SPSB1: variants seen among roughly 807,000 people sequenced by gnomAD.
SPSB1 encodes the protein SPRY domain-containing SOCS box protein 1.
In SPSB1, 8 loss-of-function variants were observed where a neutral mutation model predicts 21.2. That is an observed-to-expected ratio of 0.38 (90% confidence interval 0.22 to 0.68). SPSB1 has a LOEUF of 0.68. Ranked by LOEUF, SPSB1 falls within the 30% of genes least tolerant of loss-of-function variation. SPSB1 has a pLI of 0.53. For synonymous variants in SPSB1, 169 were observed against 161.7 expected (o/e 1.05, Z -0.34); for missense variants, 242 against 377.8 (o/e 0.64, Z 2.98).
Position 9,361,156 on chromosome 1 carries a change from C to CCTTTTTTTTTTTTTTTTTTTTTGTT in SPSB1, c.694+4571_694+4572insCTTTTTTTTTTTTTTTTTTTTTGTT, listed in dbSNP as rs1553128958. On this transcript the variant is annotated intron_variant, in intron 2 of 2. Coordinates refer to ENST00000328089, the MANE Select transcript of SPSB1 (RefSeq NM_025106.4). ...CAGGCATGGCTGGATCTGTCATTTT[C>CCTTTTTTTTTTTTTTTTTTTTTGTT]TTTTTTTTTTTTTTTTTTTTTTTTT... Among the ~76,000 whole-genome samples the CCTTTTTTTTTTTTTTTTTTTTTGTT allele has an allele frequency of 6.8e-5, 7 of 102,578 alleles. 2 individuals are homozygous for CCTTTTTTTTTTTTTTTTTTTTTGTT. The highest frequency in any genetic ancestry group is 6.7e-4 in the South Asian group (2 of 2,980). The allele number at this position is 102,578 out of a possible 152,430, so 67.3% of individuals were successfully genotyped here.
rs185538710 is a variant in SPSB1 at position 9,310,047 on chromosome 1, C to T, written c.-150+16976C>T. 1.9e-3 allele frequency among the ~76,000 whole-genome samples: 295 copies of T among 151,368 alleles called. 1 individual carries two copies. Among genetic ancestry groups the T allele is most frequent in the Non-Finnish European group, 1.5e-3 (103 of 67,846 alleles). On this transcript the variant is annotated intron_variant, in intron 1 of 2. Coordinates refer to ENST00000328089, the MANE Select transcript of SPSB1 (RefSeq NM_025106.4). ...TAGTGTTGCCTGTTGCCCTAAAGCTCTCCTCAGGTGGGGGATGGTGAGGGG... is the reference window on the plus strand; with the variant it reads ...TAGTGTTGCCTGTTGCCCTAAAGCTTTCCTCAGGTGGGGGATGGTGAGGGG...
intron 1 of SPSB1, among the ~76,000 whole-genome samples, chr1:9,350,234 C>A (rs773811972): frequency 1.3e-5 from 2 of 152,232 alleles, no homozygotes; most frequent in Non-Finnish European, 2.9e-5. Flanking sequence ...AGACATTGGA[C>A]CCCTGCGTGT....
intron 2 of SPSB1, among the ~76,000 whole-genome samples, chr1:9,357,861 C>T (rs1640399322): frequency 6.6e-6 from 1 of 152,150 alleles, no homozygotes; most frequent in South Asian, 2.1e-4. Context: ...TCTCAGAGTT[C>T]CTTGCCTGCA....
At chr1:9,327,854 C>T (rs928826904) in intron 1 of SPSB1, among the ~76,000 whole-genome samples, 4 of 152,220 alleles carry the variant, frequency 2.6e-5, no homozygotes. Flanking sequence ...GCTTCACTTC[C>T]AGAAGTAGAT....
At chr1:9,311,623 T>G (rs1302863363) in intron 1 of SPSB1, among the ~76,000 whole-genome samples, 5 of 152,130 alleles carry the variant, frequency 3.3e-5, no homozygotes, top group Admixed American at 3.3e-4. Context: ...AGGCTTTTTT[T>G]TATGGGGCAG....
intron 1 of SPSB1, among the ~76,000 whole-genome samples, chr1:9,328,142 A>T (rs1214530234): frequency 6.6e-6 from 1 of 151,844 alleles, no homozygotes; most frequent in Non-Finnish European, 1.5e-5. Flanking sequence ...ACACCTTTAC[A>T]CCCCCTCCTA....
chr1:9,342,801 T>C (rs1640111498), intron 1 of SPSB1, among the ~76,000 whole-genome samples: 1 of 152,202 alleles, frequency 6.6e-6, no homozygotes, highest in African/African-American at 2.4e-5. Context: ...CCCTGCACTT[T>C]TTCCTTTGGA....
chr1:9,338,083 T>A (rs961201354), intron 1 of SPSB1, among the ~76,000 whole-genome samples: 2 of 152,136 alleles, frequency 1.3e-5, no homozygotes, highest in Admixed American at 1.3e-4. Flanking sequence ...CTGGAAGACA[T>A]TGAGTGCTCA....
At chr1:9,310,936 T>C (rs2100470904) in intron 1 of SPSB1, among the ~76,000 whole-genome samples, 1 of 152,278 alleles carries the variant, frequency 6.6e-6, no homozygotes, top group East Asian at 1.9e-4. Flanking sequence ...TACGTACATG[T>C]CAGGGTTCTT....
chr1:9,314,317 C>G (rs758932454), intron 1 of SPSB1, among the ~76,000 whole-genome samples: 3 of 152,248 alleles, frequency 2.0e-5, no homozygotes, highest in Admixed American at 1.3e-4. Flanking sequence ...CTCCCTCCCG[C>G]TCCTAAATAT....
intron 1 of SPSB1, among the ~76,000 whole-genome samples, chr1:9,337,579 C>T (rs1640024501): frequency 6.6e-6 from 1 of 152,194 alleles, no homozygotes. Flanking sequence ...GCTTTTCTCC[C>T]CTTCAGCTGT....
intron 2 of SPSB1, among the ~76,000 whole-genome samples, chr1:9,364,829 T>TG (rs1640539795): frequency 7.0e-6 from 1 of 143,670 alleles, no homozygotes; most frequent in Non-Finnish European, 1.5e-5. Context: ...TTTGTTGTTG[T>TG]TTTGTTGTTG....
At chr1:9,307,391 G>A (rs781027185) in intron 1 of SPSB1, among the ~76,000 whole-genome samples, 13 of 152,104 alleles carry the variant, frequency 8.5e-5, no homozygotes, top group Non-Finnish European at 1.0e-4. Flanking sequence ...CACATTCGGC[G>A]TCACCTCCCA....
intron 1 of SPSB1, among the ~76,000 whole-genome samples, chr1:9,310,960 G>A (rs1207165267): frequency 6.6e-6 from 1 of 152,006 alleles, no homozygotes; most frequent in African/African-American, 2.4e-5. Context: ...AAAACACTTC[G>A]CCATCTTTGG....
chr1:9,309,515 C>T lies in SPSB1; in HGVS notation c.-150+16444C>T, dbSNP rs1387980588. ...AAAAGTTTTTGTAGAGATGGGGTCT[C>T]GCCATGTTGCCTAGGCTCTCCCTTG... On this transcript the variant is annotated intron_variant, in intron 1 of 2. Transcript: ENST00000328089. 2.0e-5 allele frequency among the ~76,000 whole-genome samples: 3 copies of T among 152,020 alleles called. No individual in the cohort carries two copies. The East Asian group carries it at 5.8e-4, about 29-fold the overall frequency.
At position 9,324,144 on chromosome 1, in the gene SPSB1, G is replaced by A. The variant is rs998573984; in HGVS notation, c.-150+31073G>A. ...CATATCTTTTTTTGTGTGCCAAAGT[G>A]GGGAACCATATTTCTGGTAGATAAT... is the stretch of plus-strand genomic sequence containing the variant. On this transcript the variant is annotated intron_variant, in intron 1 of 2. Transcript: ENST00000328089. This position sits in a 1 kb window ranked among gnomAD's most constrained non-coding sequence, Gnocchi z 4.3. Among the ~76,000 whole-genome samples, 1 of 152,174 alleles carries A rather than the reference G, an allele frequency of 6.6e-6. No individual in the cohort carries two copies. Among genetic ancestry groups the A allele is most frequent in the Non-Finnish European group, 1.5e-5 (1 of 68,036 alleles).
Position 9,369,203 on chromosome 1 carries a change from CG to C in SPSB1, c.*1630del, listed in dbSNP as rs924791363. ...GTACATTACCCCCTTATTATTTTGA[CG>C]GTTTTTTTTTTCGGGGCAGGGGACC... On this transcript the variant is annotated 3_prime_UTR_variant, in exon 3 of 3. Transcript: ENST00000328089. The C allele has an allele frequency of 2.4e-5, 3 of 126,506 alleles. No homozygotes were observed. The highest frequency in any genetic ancestry group is 9.4e-5 in the African/African-American group (3 of 31,986). The allele number at this position is 126,506 out of a possible 1,614,324, so 7.8% of individuals were successfully genotyped here.
intron 1 of SPSB1, among the ~76,000 whole-genome samples, chr1:9,302,249 C>T (rs572216987): frequency 6.6e-6 from 1 of 152,322 alleles, no homozygotes; most frequent in South Asian, 2.1e-4. Flanking sequence ...TTTTGGATGT[C>T]AACTTGACTA....
intron 1 of SPSB1, among the ~76,000 whole-genome samples, chr1:9,334,138 T>G (rs904491622): frequency 6.6e-6 from 1 of 152,092 alleles, no homozygotes; most frequent in African/African-American, 2.4e-5. Flanking sequence ...CAGGCTGGAG[T>G]GCGGTGGTGC....
Sources: allele counts gnomAD v4.1 joint callset (sites outside exome capture counted in the v4.1 genomes callset), GRCh38; gene constraint gnomAD v4.1.1; non-coding constraint Gnocchi (gnomAD v3.1); transcripts MANE v1.5; gene names NCBI Gene and HGNC (gene_info 2026-07-23, HGNC 2026-07-21).